ATP2B4: variants seen among roughly 807,000 people sequenced by gnomAD.
ATP2B4 encodes the protein plasma membrane calcium-transporting ATPase 4.
Under a neutral mutation model 110.3 loss-of-function variants are expected in ATP2B4, and 39 were observed. The observed-to-expected ratio is 0.35, with a 90% confidence interval of 0.27 to 0.46. The LOEUF is 0.46. Ranked by LOEUF, ATP2B4 falls within the 20% of genes least tolerant of loss-of-function variation. The probability of loss-of-function intolerance (pLI) is 1.00; values close to 1 mark genes in which losing one functional copy is unlikely to be tolerated. For missense variants in ATP2B4, 1,135 were observed against 1,530.9 expected, an observed-to-expected ratio of 0.74 and a Z score of 4.32; for synonymous variants, 538 against 571.7, an observed-to-expected ratio of 0.94 and a Z score of 0.84.
chr1:203,655,587 A>C (rs1664136139), intron 1 of ATP2B4, among the ~76,000 whole-genome samples: 1 of 152,050 alleles, frequency 6.6e-6, no homozygotes, highest in African/African-American at 2.4e-5. Context: ...TGGAGGTTGC[A>C]GTGAGCTCAG....
chr1:203,640,092 G>A (rs1663580861), intron 1 of ATP2B4, among the ~76,000 whole-genome samples: 1 of 152,032 alleles, frequency 6.6e-6, no homozygotes, highest in Admixed American at 6.6e-5. Context: ...AGACAAATAA[G>A]GTATTGTAGG....
chr1:203,642,983 T>A (rs1020422354), intron 1 of ATP2B4, among the ~76,000 whole-genome samples: 12 of 152,330 alleles, frequency 7.9e-5, no homozygotes, highest in African/African-American at 2.9e-4. Context: ...CCATGGAGCC[T>A]GGCACCAGCC....
At chr1:203,680,501 C>T (rs1418848533) in intron 1 of ATP2B4, among the ~76,000 whole-genome samples, 6 of 151,540 alleles carry the variant, frequency 4.0e-5, no homozygotes, top group Non-Finnish European at 8.8e-5. Flanking sequence ...CCCAGCCACT[C>T]GGGAGGCTGA....
chr1:203,713,165 G>A lies in ATP2B4; in HGVS notation c.2212G>A (p.Val738Ile), dbSNP rs1483803600. The change falls in exon 14 of 21, where the codon GTA (valine) becomes ATA (isoleucine). Residue 738 changes from valine (V) to isoleucine (I), a missense_variant and splice_region_variant. By Grantham distance (29) the Val-to-Ile change is conservative. Coordinates refer to ENST00000357681, the MANE Select transcript of ATP2B4 (RefSeq NM_001684.5). ...NRLIRNEKGE[V>I]EQEKLDKIWP... Reference sequence around the variant, plus strand: ...TCCAGGTGTGGTCTGGTGTTGGCAGGTAGAGCAAGAAAAGCTGGACAAGAT... The same window carrying A: ...TCCAGGTGTGGTCTGGTGTTGGCAGATAGAGCAAGAAAAGCTGGACAAGAT... The A allele has an allele frequency of 6.2e-6, 10 of 1,614,150 alleles. No individual in the cohort carries two copies. Among genetic ancestry groups the A allele is most frequent in the Non-Finnish European group, 8.5e-6 (10 of 1,179,990 alleles).
chr1:203,712,080 G>A lies in ATP2B4; in HGVS notation c.2152G>A (p.Asp718Asn). The change falls in exon 13 of 21, where the codon GAC becomes AAC. Residue 718 changes from aspartate to asparagine, a missense_variant. Coordinates refer to ENST00000357681, the MANE Select transcript of ATP2B4 (RefSeq NM_001684.5). ...ATGTGGCATTCTGACACCTGGGGAT[G>A]ACTTCCTGTGCTTAGAAGGCAAAGA... ...TKCGILTPGD[D>N]FLCLEGKEFN... The A allele has an allele frequency of 6.2e-7, 1 of 1,614,182 alleles. No individual in the cohort carries two copies. Among genetic ancestry groups the A allele is most frequent in the Non-Finnish European group, 8.5e-7 (1 of 1,180,024 alleles).
intron 1 of ATP2B4, among the ~76,000 whole-genome samples, chr1:203,668,299 C>G (rs1423362271): frequency 6.6e-6 from 1 of 152,082 alleles, no homozygotes; most frequent in Non-Finnish European, 1.5e-5. Flanking sequence ...GATTGTAGTG[C>G]CTTTTTAATC....
intron 2 of ATP2B4, among the ~76,000 whole-genome samples, chr1:203,686,591 C>G (rs1665186051): frequency 6.9e-6 from 1 of 145,768 alleles, no homozygotes; most frequent in Non-Finnish European, 1.5e-5. Flanking sequence ...ATGCCTGTAG[C>G]CTAGGACTCC....
intron 20 of ATP2B4, among the ~76,000 whole-genome samples, chr1:203,732,357 C>T (rs1431706806): frequency 1.3e-5 from 2 of 152,138 alleles, no homozygotes; most frequent in Non-Finnish European, 2.9e-5. Context: ...TTCTGCCAGA[C>T]ATTTCAGATC....
intron 2 of ATP2B4, among the ~76,000 whole-genome samples, chr1:203,696,798 G>C (rs1247012375): frequency 6.6e-6 from 1 of 152,088 alleles, no homozygotes; most frequent in African/African-American, 2.4e-5. Flanking sequence ...ATATCTGTGT[G>C]GTATGTATTG....
chr1:203,708,016 T>G lies in ATP2B4; in HGVS notation c.1469T>G (p.Ile490Ser). ...AYIGGIHYRQ[I>S]PSPDVFLPKV... ...ATTGGGGGCATCCATTACCGTCAAA[T>G]CCCAAGCCCTGATGTCTTCCTGCCC... The change falls in exon 10 of 21, where the codon ATC becomes AGC. Residue 490 changes from isoleucine to serine, a missense_variant. Transcript: ENST00000357681. 6 of 1,614,162 alleles carry G rather than the reference T, an allele frequency of 3.7e-6. No individual in the cohort carries two copies. Among genetic ancestry groups the G allele is most frequent in the Non-Finnish European group, 5.1e-6 (6 of 1,180,030 alleles).
chr1:203,717,732 C>T (rs193242640), intron 15 of ATP2B4, among the ~76,000 whole-genome samples: 105 of 151,930 alleles, frequency 6.9e-4, no homozygotes, highest in Non-Finnish European at 1.4e-3. Flanking sequence ...ACCTCCACTT[C>T]CCAGGTTCAA....
chr1:203,711,572 A>T (rs1244736357), intron 12 of ATP2B4, among the ~76,000 whole-genome samples: 1 of 152,188 alleles, frequency 6.6e-6, no homozygotes, highest in Non-Finnish European at 1.5e-5. Context: ...CAAAGAGCTG[A>T]TATGGTTGGA....
rs1373248321 is a variant in ATP2B4, at chr1:203,683,154, A to G, written c.-52A>G. 6.3e-7 allele frequency: 1 copy of G among 1,580,216 alleles called. No homozygotes were observed. The highest frequency in any genetic ancestry group is 8.6e-7 in the Non-Finnish European group (1 of 1,161,960). On this transcript the variant is annotated 5_prime_UTR_variant, in exon 2 of 21. Transcript: ENST00000357681. ...GGAGGCAGGAGACACTGGTCAGTTG[A>G]AGGGAAACGCTACATCTTCTCTGGT... is the stretch of plus-strand genomic sequence containing the variant.
At chr1:203,671,384 A>C (rs1664656277) in intron 1 of ATP2B4, among the ~76,000 whole-genome samples, 1 of 151,798 alleles carries the variant, frequency 6.6e-6, no homozygotes, top group Non-Finnish European at 1.5e-5. Context: ...CTGATCTCAA[A>C]CTCCTGAGTT....
At chr1:203,631,528 C>A (rs1000302138) in intron 1 of ATP2B4, among the ~76,000 whole-genome samples, 6 of 152,142 alleles carry the variant, frequency 3.9e-5, no homozygotes, top group African/African-American at 1.4e-4. Context: ...CACCTCATGG[C>A]AAGGTCTACC....
rs374834640 is a variant in ATP2B4, at chr1:203,698,376, G to C, written c.391+22G>C. 18 of 1,611,724 alleles carry C rather than the reference G, an allele frequency of 1.1e-5. No individual in the cohort carries two copies. The African/African-American group carries it at 2.3e-4, about 20-fold the overall frequency. ...GAACGTGAGTGTCCTAAACAGCTCA[G>C]CGTGACTCTTATCTGGGTTCTTTCC... On this transcript the variant is annotated intron_variant, in intron 3 of 20. Transcript: ENST00000357681.
intron 10 of ATP2B4, among the ~76,000 whole-genome samples, chr1:203,708,550 C>G (rs1201738466): frequency 6.6e-6 from 1 of 152,190 alleles, no homozygotes; most frequent in Non-Finnish European, 1.5e-5. Context: ...ACTGACCCCT[C>G]TCTGCCTACC....
chr1:203,686,026 G>T (rs540937958), intron 2 of ATP2B4, among the ~76,000 whole-genome samples: 1 of 151,894 alleles, frequency 6.6e-6, no homozygotes, highest in East Asian at 1.9e-4. Flanking sequence ...AAAACCCTGG[G>T]TAAGGTGGCA....
At chr1:203,648,292 T>A (rs573855054) in intron 1 of ATP2B4, among the ~76,000 whole-genome samples, 142 of 150,954 alleles carry the variant, frequency 9.4e-4, no homozygotes, top group Middle Eastern at 6.8e-3. Context: ...AGTGTTTTTT[T>A]TAAAAAAAAA....
Sources: gnomAD v4.1 joint callset for allele counts (sites outside exome capture counted in the v4.1 genomes callset) on GRCh38, gnomAD v4.1.1 for gene constraint, MANE v1.5 for transcripts, NCBI Gene and HGNC (gene_info 2026-07-23, HGNC 2026-07-21) for gene names.